TNS3: variants seen among roughly 807,000 people sequenced by gnomAD.
The protein encoded by TNS3 is tensin 3.
TNS3 carries 45 observed loss-of-function variants against 140.9 expected under a neutral mutation model. That is an observed-to-expected ratio of 0.32 (90% confidence interval 0.25 to 0.41). The LOEUF (loss-of-function observed/expected upper bound fraction) is 0.41. TNS3 is among the 10% of genes least tolerant of loss of function. The probability of loss-of-function intolerance (pLI) is 1.00; values close to 1 mark genes in which losing one functional copy is unlikely to be tolerated. For missense variants in TNS3, 1,716 were observed against 1,906.7 expected, an observed-to-expected ratio of 0.90 and a Z score of 1.86; for synonymous variants, 815 against 788.4, an observed-to-expected ratio of 1.03 and a Z score of -0.56.
At chr7:47,352,385 C>A (rs1158709591) in intron 17 of TNS3, among the ~76,000 whole-genome samples, 1 of 152,228 alleles carries the variant, frequency 6.6e-6, no homozygotes, top group Non-Finnish European at 1.5e-5. Context: ...CACGCACAGT[C>A]TCACACGCTC....
chr7:47,523,253 A>G (rs1799056658), intron 2 of TNS3, among the ~76,000 whole-genome samples: 1 of 152,148 alleles, frequency 6.6e-6, no homozygotes, highest in Non-Finnish European at 1.5e-5. Flanking sequence ...CTCACAAAAC[A>G]TATCACCTCC....
chr7:47,358,367 G>A (rs1012171072), intron 17 of TNS3, among the ~76,000 whole-genome samples: 11 of 152,104 alleles, frequency 7.2e-5, no homozygotes, highest in Non-Finnish European at 1.2e-4. Flanking sequence ...TTGAACTCCT[G>A]ACCTCGTGAT....
chr7:47,384,828 C>A (rs1021876364), intron 16 of TNS3, among the ~76,000 whole-genome samples: 2 of 152,232 alleles, frequency 1.3e-5, no homozygotes, highest in Non-Finnish European at 2.9e-5. Flanking sequence ...TCTAGACCCA[C>A]AAGGCCTGCT....
chr7:47,408,424 C>G (rs1019590363), intron 13 of TNS3, among the ~76,000 whole-genome samples: 1 of 151,934 alleles, frequency 6.6e-6, no homozygotes, highest in South Asian at 2.1e-4. Flanking sequence ...CAGGGTGGGA[C>G]AGGATAAGAC....
chr7:47,298,856 G>A (rs1786211435), intron 23 of TNS3, among the ~76,000 whole-genome samples: 2 of 152,248 alleles, frequency 1.3e-5, no homozygotes, highest in Admixed American at 6.5e-5. Context: ...AGGGCACGGG[G>A]AGGAGCTCAA....
intron 2 of TNS3, among the ~76,000 whole-genome samples, chr7:47,516,770 T>G (rs1798790528): frequency 6.6e-6 from 1 of 152,230 alleles, no homozygotes; most frequent in Non-Finnish European, 1.5e-5. Flanking sequence ...AATAAAAATC[T>G]AGCTCTTGTG....
At chr7:47,457,634 C>CT (rs1337378915) in intron 4 of TNS3, among the ~76,000 whole-genome samples, 1 of 152,214 alleles carries the variant, frequency 6.6e-6, no homozygotes, top group Non-Finnish European at 1.5e-5. Context: ...ACTCAAGCAC[C>CT]TAGAATGCTC....
chr7:47,555,479 A>G (rs1340658883), intron 1 of TNS3, among the ~76,000 whole-genome samples: 1 of 152,188 alleles, frequency 6.6e-6, no homozygotes, highest in Non-Finnish European at 1.5e-5. Flanking sequence ...TGAAAGGACT[A>G]ATTCCAATTT....
At chr7:47,302,816 CA>C in intron 22 of TNS3, 133 bp downstream of exon 22, 1 of 1,257,802 alleles carries the variant, frequency 8.0e-7, no homozygotes, top group South Asian at 1.6e-5. Flanking sequence ...AAAAGTACCC[CA>C]ACGGCTCTGG....
chr7:47,471,380 T>C (rs568586948), intron 4 of TNS3, among the ~76,000 whole-genome samples: 1 of 152,326 alleles, frequency 6.6e-6, no homozygotes, highest in East Asian at 1.9e-4. Flanking sequence ...CTCTGGGAAC[T>C]GGGCTGAGCT....
chr7:47,535,166 A>T (rs1025000064), intron 1 of TNS3, among the ~76,000 whole-genome samples: 2 of 152,248 alleles, frequency 1.3e-5, no homozygotes, highest in East Asian at 3.8e-4. Flanking sequence ...CCTGGCAGAC[A>T]GTGGACCATG....
At chr7:47,378,372 G>C (rs1168054383) in intron 16 of TNS3, among the ~76,000 whole-genome samples, 1 of 152,068 alleles carries the variant, frequency 6.6e-6, no homozygotes, top group Non-Finnish European at 1.5e-5. Context: ...ATAAAGCTAT[G>C]GTGAAAGATG....
At chr7:47,310,841 T>C (rs529610809) in intron 20 of TNS3, among the ~76,000 whole-genome samples, 211 of 152,356 alleles carry the variant, frequency 1.4e-3, no homozygotes, top group Non-Finnish European at 2.0e-3. Context: ...GTCCTTGTGA[T>C]AGTTTGCTCA....
At chr7:47,503,137 A>C (rs1280850795) in intron 3 of TNS3, among the ~76,000 whole-genome samples, 1 of 152,172 alleles carries the variant, frequency 6.6e-6, no homozygotes, top group East Asian at 1.9e-4. Context: ...TAAGTTTACA[A>C]AAAAATTATC....
chr7:47,531,525 A>T (rs1799402843), intron 1 of TNS3, among the ~76,000 whole-genome samples: 1 of 152,240 alleles, frequency 6.6e-6, no homozygotes, highest in South Asian at 2.1e-4. Context: ...AGAAATGCTA[A>T]TTACACAGGT....
intron 8 of TNS3, among the ~76,000 whole-genome samples, chr7:47,428,654 G>C (rs1465312891): frequency 6.6e-6 from 1 of 152,208 alleles, no homozygotes; most frequent in Non-Finnish European, 1.5e-5. Context: ...GCAGCTGCCT[G>C]TCATTTTACC....
In TNS3 at chr7:47,292,827, C is replaced by A; in HGVS notation, c.3850+1G>T. On this transcript the variant is annotated splice_donor_variant, in intron 26 of 30. Coordinates refer to ENST00000311160, the MANE Select transcript of TNS3 (RefSeq NM_022748.12). LOFTEE classifies it high-confidence loss of function. ...CCTGACTAGCACTGAGGACCCCTTA[C>A]CTCTCTCTGGGATAAGCAGCTTGCA... The A allele has an allele frequency of 6.2e-7, 1 of 1,614,084 alleles. No individual in the cohort carries two copies.
chr7:47,410,631 C>G (rs1000558640), intron 13 of TNS3, among the ~76,000 whole-genome samples: 1 of 152,194 alleles, frequency 6.6e-6, no homozygotes, highest in Non-Finnish European at 1.5e-5. Flanking sequence ...AGTTCACCAT[C>G]CACTAAGCTA....
intron 4 of TNS3, among the ~76,000 whole-genome samples, chr7:47,453,821 C>T (rs1796131685): frequency 6.6e-6 from 1 of 152,194 alleles, no homozygotes; most frequent in South Asian, 2.1e-4. Flanking sequence ...TATTTCCTCA[C>T]TTAGCACTCA....
Sources: gnomAD v4.1 joint callset for allele counts (sites outside exome capture counted in the v4.1 genomes callset) on GRCh38, gnomAD v4.1.1 for gene constraint, MANE v1.5 for transcripts, NCBI Gene and HGNC (gene_info 2026-07-23, HGNC 2026-07-21) for gene names.